The following C2CD3 variants were observed in gnomAD, a reference collection of about 807,000 sequenced individuals.
C2CD3 encodes the protein C2 domain-containing protein 3.
C2CD3 carries 148 observed loss-of-function variants against 234.0 expected under a neutral mutation model. The ratio of observed to expected loss-of-function variants is 0.63; its 90% confidence interval spans 0.55 to 0.72. C2CD3 has a LOEUF of 0.72. Among genes scored for constraint, C2CD3 ranks in the 30% least tolerant of loss-of-function variants. The pLI, the probability that C2CD3 is intolerant of heterozygous loss-of-function variation, is 0.00. For synonymous variants in C2CD3, 1,000 were observed against 1,035.4 expected, an observed-to-expected ratio of 0.97 and a Z score of 0.66; for missense variants, 2,577 against 2,811.5, an observed-to-expected ratio of 0.92 and a Z score of 1.89.
At chr11:74,145,161 T>G (rs1015992725) in intron 3 of C2CD3, among the ~76,000 whole-genome samples, 4 of 152,202 alleles carry the variant, frequency 2.6e-5, no homozygotes, top group African/African-American at 9.6e-5. Flanking sequence ...TCCAGAACGG[T>G]TGAACTGATT....
intron 24 of C2CD3, among the ~76,000 whole-genome samples, chr11:74,064,085 C>A (rs948170126): frequency 2.7e-5 from 4 of 150,242 alleles, no homozygotes; most frequent in Admixed American, 1.3e-4. Flanking sequence ...GTGTGATGTT[C>A]CCCTTCCTGT....
At chr11:74,017,409 A>C (rs948175197) in intron 32 of C2CD3, among the ~76,000 whole-genome samples, 2 of 152,226 alleles carry the variant, frequency 1.3e-5, no homozygotes, top group Admixed American at 1.3e-4. Context: ...CTGGACACCC[A>C]GGTCATGAAC....
chr11:74,086,809 T>C (rs898252035), intron 20 of C2CD3, among the ~76,000 whole-genome samples: 1 of 152,226 alleles, frequency 6.6e-6, no homozygotes, highest in Non-Finnish European at 1.5e-5. Flanking sequence ...AGTTGACATC[T>C]AGGCAAAGAA....
chr11:74,053,895 T>C (rs1210176124), intron 26 of C2CD3, among the ~76,000 whole-genome samples: 3 of 119,828 alleles, frequency 2.5e-5, no homozygotes, highest in Non-Finnish European at 3.0e-5. Context: ...AGGCAGGAGA[T>C]TGCGGCAGGA....
intron 8 of C2CD3, among the ~76,000 whole-genome samples, chr11:74,120,577 G>A (rs773818640): frequency 3.3e-5 from 5 of 152,120 alleles, no homozygotes; most frequent in Admixed American, 6.6e-5. Context: ...GAATAGTGCC[G>A]CAATAAACAT....
intron 26 of C2CD3, among the ~76,000 whole-genome samples, chr11:74,052,830 G>T (rs1369292764): frequency 6.6e-6 from 1 of 152,166 alleles, no homozygotes; most frequent in Non-Finnish European, 1.5e-5. Context: ...TTTACACTCT[G>T]ATTTCTCTCA....
chr11:74,139,297 T>C (rs1466465484), intron 4 of C2CD3, among the ~76,000 whole-genome samples: 3 of 152,222 alleles, frequency 2.0e-5, no homozygotes, highest in Non-Finnish European at 2.9e-5. Flanking sequence ...ACAGAATAGC[T>C]CCCTGTCCCT....
At chr11:74,157,005 ACATTGTACTCCT>A (rs1856076971) in intron 3 of C2CD3, among the ~76,000 whole-genome samples, 3 of 152,126 alleles carry the variant, frequency 2.0e-5, no homozygotes, top group Non-Finnish European at 4.4e-5. Flanking sequence ...CTTACCTAGA[ACATTGTACTCCT>A]CCCGATTTCA....
At chr11:74,085,085 A>C in intron 21 of C2CD3, 115 bp from the exon 22 acceptor site, 1 of 594,258 alleles carries the variant, frequency 1.7e-6, no homozygotes, top group Non-Finnish European at 3.0e-6. Flanking sequence ...GTTTTGTAAA[A>C]TGCATTAGAG....
intron 20 of C2CD3, among the ~76,000 whole-genome samples, chr11:74,089,716 G>A (rs1191060064): frequency 6.6e-6 from 1 of 152,188 alleles, no homozygotes; most frequent in African/African-American, 2.4e-5. Context: ...GAAGGATGGA[G>A]AGGAGCTCAG....
At chr11:74,100,333 G>A (rs1410250726) in intron 15 of C2CD3, among the ~76,000 whole-genome samples, 192 bp downstream of exon 15, 2 of 152,214 alleles carry the variant, frequency 1.3e-5, no homozygotes, top group Non-Finnish European at 2.9e-5. Context: ...TTAGCATAGT[G>A]CCTGAAACAT....
chr11:74,106,304 C>A (rs547466660), intron 13 of C2CD3, 67 bp downstream of exon 13: 1 of 1,534,268 alleles, frequency 6.5e-7, no homozygotes, highest in Admixed American at 1.7e-5. Context: ...ACTGCTATAT[C>A]CTCAGTGCCA....
At chr11:74,141,584 A>T (rs1958049824) in intron 3 of C2CD3, among the ~76,000 whole-genome samples, 1 of 152,208 alleles carries the variant, frequency 6.6e-6, no homozygotes, top group Non-Finnish European at 1.5e-5. Context: ...GAGTCAGAGA[A>T]AGTCCAGACA....
intron 22 of C2CD3, among the ~76,000 whole-genome samples, chr11:74,080,835 A>G (rs766576008): frequency 2.6e-5 from 4 of 152,190 alleles, no homozygotes; most frequent in Non-Finnish European, 4.4e-5. Flanking sequence ...AAATGCTTTA[A>G]TAATCTAGTG....
At chr11:74,092,654 G>C in intron 18 of C2CD3, 66 bp from the exon 19 acceptor site, 2 of 1,370,388 alleles carry the variant, frequency 1.5e-6, no homozygotes, top group Non-Finnish European at 2.0e-6. Context: ...CTGCCCCACA[G>C]ATCAGCCTTC....
chr11:74,098,833 T>G (rs1259226289), intron 15 of C2CD3, among the ~76,000 whole-genome samples: 2 of 152,206 alleles, frequency 1.3e-5, no homozygotes, highest in Non-Finnish European at 2.9e-5. Context: ...GATAAATGAT[T>G]TATAATGCCA....
At chr11:74,153,087 G>A (rs556315214) in intron 3 of C2CD3, among the ~76,000 whole-genome samples, 10 of 152,034 alleles carry the variant, frequency 6.6e-5, no homozygotes, top group Non-Finnish European at 1.2e-4. Context: ...AACAGTTAGC[G>A]TGCACCTGTA....
intron 18 of C2CD3, among the ~76,000 whole-genome samples, chr11:74,092,975 A>T (rs1181341364): frequency 6.6e-6 from 1 of 152,164 alleles, no homozygotes; most frequent in Non-Finnish European, 1.5e-5. Context: ...GGTAATGAGG[A>T]TCTGTCAGTA....
intron 32 of C2CD3, among the ~76,000 whole-genome samples, chr11:74,018,487 A>G (rs1229779077): frequency 3.3e-5 from 5 of 152,172 alleles, no homozygotes; most frequent in African/African-American, 1.2e-4. Context: ...TAAGTGACAT[A>G]AACATTGACT....
Sources: allele counts gnomAD v4.1 joint callset (sites outside exome capture counted in the v4.1 genomes callset), GRCh38; gene constraint gnomAD v4.1.1; transcripts MANE v1.5; gene names NCBI Gene and HGNC (gene_info 2026-07-23, HGNC 2026-07-21).